The following HHLA1 variants were observed in gnomAD, a reference collection of about 807,000 sequenced individuals.
The protein encoded by HHLA1 is HHLA1 neighbor of OC90, also known as HERV-H LTR-associating protein 1.
In HHLA1, 72 loss-of-function variants were observed where a neutral mutation model predicts 69.9. That is an observed-to-expected ratio of 1.03 (90% confidence interval 0.85 to 1.25). HHLA1 has a LOEUF of 1.25. Ranked by LOEUF, HHLA1 falls within the 50% of genes most tolerant of loss-of-function variation. HHLA1 has a pLI of 0.00. For synonymous variants in HHLA1, 252 were observed against 233.2 expected, an observed-to-expected ratio of 1.08 and a Z score of -0.73; for missense variants, 685 against 642.2, an observed-to-expected ratio of 1.07 and a Z score of -0.72.
intron 15 of HHLA1, among the ~76,000 whole-genome samples, chr8:132,069,516 G>C (rs1275875210): frequency 1.3e-5 from 2 of 152,114 alleles, no homozygotes; most frequent in Non-Finnish European, 2.9e-5. Context: ...AGAAAAGAAG[G>C]AACAAGCCCA....
Position 132,076,429 on chromosome 8 carries a change from C to T in HHLA1, c.1240+46G>A, listed in dbSNP as rs548113869. The T allele has an allele frequency of 7.9e-4, 586 of 743,408 alleles. 1 individual carries two copies. In the African/African-American group the frequency reaches 9.9e-3, roughly 13 times the overall value. 46.1% of individuals were successfully genotyped at this position (743,408 alleles called of 1,614,324 possible). On this transcript the variant is annotated intron_variant, in intron 13 of 16. Coordinates refer to ENST00000414222, the MANE Select transcript of HHLA1 (RefSeq NM_001145095.3). ...CCTTGTCCCCAAGCTTCCCACCCCT[C>T]CCATCCCCCACCCCCAAACCCCCAC...
intron 13 of HHLA1, 137 bp from the exon 14 acceptor site, chr8:132,076,266 G>A: frequency 1.3e-6 from 1 of 764,414 alleles, no homozygotes; most frequent in Non-Finnish European, 2.1e-6. Flanking sequence ...AAAAGGGGAA[G>A]TGATTTATGG....
At chr8:132,077,679 A>T in intron 12 of HHLA1, 47 bp downstream of exon 12, 1 of 1,530,968 alleles carries the variant, frequency 6.5e-7, no homozygotes, top group Non-Finnish European at 8.8e-7. Flanking sequence ...AGACAATGCT[A>T]AGTTTAATTT....
intron 15 of HHLA1, among the ~76,000 whole-genome samples, chr8:132,068,346 G>A (rs980690931): frequency 6.6e-5 from 10 of 152,130 alleles, no homozygotes; most frequent in African/African-American, 1.7e-4. Context: ...ATTTAAACAC[G>A]ACATGTCCCA....
chr8:132,075,534 T>G (rs773273951), intron 14 of HHLA1, among the ~76,000 whole-genome samples: 1 of 152,194 alleles, frequency 6.6e-6, no homozygotes, highest in Non-Finnish European at 1.5e-5. Flanking sequence ...GAATTAACTG[T>G]GCAGGGATGG....
intron 3 of HHLA1, among the ~76,000 whole-genome samples, chr8:132,102,617 A>C (rs960574683): frequency 3.9e-5 from 6 of 152,186 alleles, no homozygotes; most frequent in African/African-American, 1.4e-4. Context: ...AGGCACAATC[A>C]ACCTTGCTTG....
chr8:132,091,588 T>C (rs1347012252), intron 7 of HHLA1, among the ~76,000 whole-genome samples: 4 of 152,256 alleles, frequency 2.6e-5, no homozygotes, highest in Non-Finnish European at 4.4e-5. Context: ...CTCAAAGATA[T>C]TCTTTGCATT....
At chr8:132,086,332 T>C (rs1417278590) in intron 10 of HHLA1, among the ~76,000 whole-genome samples, 1 of 152,160 alleles carries the variant, frequency 6.6e-6, no homozygotes, top group East Asian at 1.9e-4. Context: ...TCCCCCAGAA[T>C]GCATGTAGAA....
In HHLA1 at chr8:132,076,495, G is replaced by T. The variant is rs776894882; in HGVS notation, c.1220C>A (p.Ala407Asp). 3 of 1,546,782 alleles carry T rather than the reference G, an allele frequency of 1.9e-6. No individual in the cohort carries two copies. Among genetic ancestry groups the T allele is most frequent in the Non-Finnish European group, 8.7e-7 (1 of 1,144,918 alleles). The change falls in exon 13 of 17, where the codon GCC becomes GAC. Residue 407 changes from alanine to aspartate, a missense_variant. Transcript: ENST00000414222. ...CTCACCTGTTTGTGGATATCTGGGG[G>T]CTGTTGCCTTGGTTGGACTCGGAGT... Reference protein sequence around the residue: ...TQTPSPTKATAPRYPQTGDLS... With the variant: ...TQTPSPTKATDPRYPQTGDLS...
rs1313137861 is a variant in HHLA1, at chr8:132,104,182, G to A, written c.80-15C>T. 2.6e-6 allele frequency: 4 copies of A among 1,539,072 alleles called. No individual in the cohort carries two copies. Among genetic ancestry groups the A allele is most frequent in the African/African-American group, 1.4e-5 (1 of 72,882 alleles). ...GATGCCAGACACTAAAGTAAAAAAGGTTTAATCACAGAAATTATAACCAAG... is the reference window on the plus strand; with the variant it reads ...GATGCCAGACACTAAAGTAAAAAAGATTTAATCACAGAAATTATAACCAAG... On this transcript the variant is annotated splice_polypyrimidine_tract_variant and intron_variant, in intron 2 of 16. Coordinates refer to ENST00000414222, the MANE Select transcript of HHLA1 (RefSeq NM_001145095.3).
chr8:132,071,598 G>C, intron 14 of HHLA1, 105 bp from the exon 15 acceptor site: 1 of 1,025,312 alleles, frequency 9.8e-7, no homozygotes, highest in Non-Finnish European at 1.4e-6. Context: ...CTGATCTCAC[G>C]TAGCTCTGAG....
rs1455055931 is a variant in HHLA1, at chr8:132,087,671, C to T, written c.658G>A (p.Gly220Ser). 3.4e-5 allele frequency: 52 copies of T among 1,550,736 alleles called. No homozygotes were observed. Among genetic ancestry groups the T allele is most frequent in the East Asian group, 7.3e-5 (3 of 40,916 alleles). ...TACTCACCCAGAACACCAGACAAGC[C>T]GCTGGTAAATGTGTAATTGATAATG... ...YPIINYTFTS[G>S]LSGVLGAATR... Residue 220 changes from glycine to serine, a missense_variant, in exon 10 of 17, where the codon GGC becomes AGC. By Grantham distance (56) the Gly-to-Ser change is moderately conservative. Transcript: ENST00000414222.
At position 132,079,764 on chromosome 8, in the gene HHLA1, C is replaced by A; in HGVS notation, c.879G>T (p.Arg293Ser). ...AGGCACTGAACCATGTGGCTGTGGCCCTGGCTGGAAGCTCAGGAGGCCTGC... is the reference window on the plus strand; with the variant it reads ...AGGCACTGAACCATGTGGCTGTGGCACTGGCTGGAAGCTCAGGAGGCCTGC... The part of the protein sequence containing the change: ...NTGRPPELPA[R>S]ATATWFSASH... The change falls in exon 11 of 17, where the codon AGG becomes AGT. Residue 293 changes from arginine to serine, a missense_variant. Arg to Ser is a moderately radical substitution (Grantham distance 110). Coordinates refer to ENST00000414222, the MANE Select transcript of HHLA1 (RefSeq NM_001145095.3). 6.4e-7 allele frequency: 1 copy of A among 1,551,544 alleles called. No homozygotes were observed. Among genetic ancestry groups the A allele is most frequent in the Non-Finnish European group, 8.7e-7 (1 of 1,146,930 alleles).
At chr8:132,099,004 C>A (rs773869713) in intron 4 of HHLA1, 42 bp from the exon 5 acceptor site, 7 of 1,391,128 alleles carry the variant, frequency 5.0e-6, no homozygotes. Flanking sequence ...AGGCTTTTCT[C>A]GGCAAGAGAA....
intron 14 of HHLA1, among the ~76,000 whole-genome samples, chr8:132,074,106 C>T (rs1458186611): frequency 6.6e-6 from 1 of 152,214 alleles, no homozygotes; most frequent in Admixed American, 6.5e-5. Context: ...CCTCATTCCA[C>T]ACTACCCTCA....
chr8:132,068,961 T>A (rs553095505), intron 15 of HHLA1, among the ~76,000 whole-genome samples: 2 of 152,332 alleles, frequency 1.3e-5, no homozygotes, highest in South Asian at 4.1e-4. Context: ...TGCACTTCAA[T>A]AATTCTGTAT....
At chr8:132,068,520 G>C (rs555648187) in intron 15 of HHLA1, among the ~76,000 whole-genome samples, 38 of 152,354 alleles carry the variant, frequency 2.5e-4, no homozygotes, top group African/African-American at 7.0e-4. Flanking sequence ...GAAAAGGCTA[G>C]ATGGTCTTAG....
At chr8:132,084,231 T>C (rs1239715827) in intron 10 of HHLA1, among the ~76,000 whole-genome samples, 1 of 151,598 alleles carries the variant, frequency 6.6e-6, no homozygotes, top group African/African-American at 2.4e-5. Context: ...GATAAAAAGA[T>C]TATAGGGTGG....
Position 132,090,697 on chromosome 8 carries a change from A to G in HHLA1, c.449-1098T>C, listed in dbSNP as rs146588562. ...TATGCAGTATGTAGTATACCTATGC[A>G]GGTATAGACACCTGTATATGCAGAA... On this transcript the variant is annotated intron_variant, in intron 7 of 16. Coordinates refer to ENST00000414222, the MANE Select transcript of HHLA1 (RefSeq NM_001145095.3). Among the ~76,000 whole-genome samples, 4 of 151,934 alleles carry G rather than the reference A, an allele frequency of 2.6e-5. No individual in the cohort carries two copies. The East Asian group carries it at 7.8e-4, about 29-fold the overall frequency.
Sources: gnomAD v4.1 joint callset for allele counts (sites outside exome capture counted in the v4.1 genomes callset) on GRCh38, gnomAD v4.1.1 for gene constraint, MANE v1.5 for transcripts, NCBI Gene and HGNC (gene_info 2026-07-23, HGNC 2026-07-21) for gene names.